Variants in ASPH observed in about 807,000 individuals in gnomAD.
ASPH encodes aspartyl/asparaginyl beta-hydroxylase.
In ASPH, 100 loss-of-function variants were observed where a neutral mutation model predicts 118.4. That is an observed-to-expected ratio of 0.84 (90% CI 0.72 to 1.00). ASPH has a LOEUF of 1.00. ASPH is among the 50% of genes least tolerant of loss of function. The pLI is 0.00. For synonymous variants in ASPH, 315 were observed against 325.6 expected, an observed-to-expected ratio of 0.97 and a Z score of 0.35; for missense variants, 920 against 919.5, an observed-to-expected ratio of 1.00 and a Z score of -0.01.
intron 15 of ASPH, 68 bp downstream of exon 15, chr8:61,583,876 T>A (rs575252098): frequency 2.3e-5 from 27 of 1,152,204 alleles, no homozygotes; most frequent in Middle Eastern, 2.0e-4. Context: ...TTTTTTTTTT[T>A]AACAAATCAA....
intron 14 of ASPH, among the ~76,000 whole-genome samples, chr8:61,600,730 T>C (rs924711765): frequency 7.9e-5 from 12 of 151,356 alleles, no homozygotes; most frequent in Non-Finnish European, 1.8e-4. Context: ...AGCAAGATAA[T>C]AGATCTAAAT....
At chr8:61,550,177 C>A (rs1272071746) in intron 20 of ASPH, among the ~76,000 whole-genome samples, 1 of 151,924 alleles carries the variant, frequency 6.6e-6, no homozygotes, top group Admixed American at 6.6e-5. Flanking sequence ...TAAAAAAAAC[C>A]TAAACTACTT....
intron 10 of ASPH, among the ~76,000 whole-genome samples, chr8:61,638,991 T>C (rs1470373239): frequency 6.6e-6 from 1 of 152,184 alleles, no homozygotes; most frequent in Non-Finnish European, 1.5e-5. Flanking sequence ...CCCAGCATGG[T>C]TGTAAGTTTA....
intron 21 of ASPH, among the ~76,000 whole-genome samples, chr8:61,538,293 T>C (rs927860936): frequency 6.6e-6 from 1 of 152,230 alleles, no homozygotes; most frequent in African/African-American, 2.4e-5. Context: ...AATTGTTGTT[T>C]TGTTGACATC....
intron 1 of ASPH, among the ~76,000 whole-genome samples, chr8:61,701,857 T>C (rs1019623110): frequency 6.6e-6 from 1 of 152,202 alleles, no homozygotes; most frequent in African/African-American, 2.4e-5. Context: ...GAATATCCCA[T>C]GTATTTTATA....
At chr8:61,668,978 C>G (rs1472797899) in intron 3 of ASPH, among the ~76,000 whole-genome samples, 1 of 152,198 alleles carries the variant, frequency 6.6e-6, no homozygotes, top group Admixed American at 6.5e-5. Context: ...TCCCAATTCT[C>G]TCTCTCAGTC....
At chr8:61,547,460 T>C (rs940094056) in intron 21 of ASPH, among the ~76,000 whole-genome samples, 16 of 152,196 alleles carry the variant, frequency 1.1e-4, no homozygotes, top group Non-Finnish European at 1.9e-4. Flanking sequence ...TTCTTAATAA[T>C]ACAAAGATAT....
chr8:61,598,719 T>C (rs1362906309), intron 14 of ASPH, among the ~76,000 whole-genome samples: 1 of 152,202 alleles, frequency 6.6e-6, no homozygotes, highest in Non-Finnish European at 1.5e-5. Flanking sequence ...ACTTGGAACA[T>C]TCTCCAGGTA....
At chr8:61,620,346 C>G (rs143782796) in intron 13 of ASPH, among the ~76,000 whole-genome samples, 8 of 152,272 alleles carry the variant, frequency 5.3e-5, no homozygotes, top group Non-Finnish European at 1.0e-4. Flanking sequence ...AATTCCAAAG[C>G]ATACTTTTTT....
At position 61,683,244 on chromosome 8, in the gene ASPH, C is replaced by T. The variant is rs1828994072; in HGVS notation, c.253+795G>A. On this transcript the variant is annotated intron_variant, in intron 2 of 24. Transcript: ENST00000379454. ...AAAAATAATCTGGAACTAGATAATG[C>T]TGATGGGTATATAAAATGATGAATA... is the stretch of plus-strand genomic sequence containing the variant. 3.3e-5 allele frequency among the ~76,000 whole-genome samples: 5 copies of T among 151,640 alleles called. No homozygotes were observed. The South Asian group carries it at 1.0e-3, about 32-fold the overall frequency.
intron 20 of ASPH, among the ~76,000 whole-genome samples, chr8:61,550,971 C>T (rs191753201): frequency 1.3e-3 from 200 of 152,018 alleles, no homozygotes; most frequent in African/African-American, 4.1e-3. Flanking sequence ...CCTGGGAAGA[C>T]GGGAATATCA....
At chr8:61,654,196 AAAAC>A (rs1334945109) in intron 3 of ASPH, among the ~76,000 whole-genome samples, 146 of 152,334 alleles carry the variant, frequency 9.6e-4, no homozygotes, top group African/African-American at 3.4e-3. Flanking sequence ...TATAACAGCT[AAAAC>A]ATATGAAAAT....
At chr8:61,624,088 C>T (rs1468273372) in intron 13 of ASPH, 1 of 459,644 alleles carries the variant, frequency 2.2e-6, no homozygotes, top group Non-Finnish European at 2.9e-6. Context: ...TAGTTATATA[C>T]AATGAATAAG....
At chr8:61,607,815 A>T (rs539862440) in intron 14 of ASPH, among the ~76,000 whole-genome samples, 1 of 152,316 alleles carries the variant, frequency 6.6e-6, no homozygotes, top group Admixed American at 6.5e-5. Flanking sequence ...TCGTCATCCT[A>T]TACAGCAATA....
chr8:61,576,894 T>A lies in ASPH; in HGVS notation c.1063-36A>T, dbSNP rs779420011. ...GACAAAATTACATAAATAAAATAAA[T>A]TAAAATGAATAATCAATCAATATTG... On this transcript the variant is annotated intron_variant, in intron 15 of 24. Coordinates refer to ENST00000379454, the MANE Select transcript of ASPH (RefSeq NM_004318.4). 2.0e-5 allele frequency: 30 copies of A among 1,502,160 alleles called. No homozygotes were observed. The South Asian group carries it at 3.5e-4, about 18-fold the overall frequency. The allele number at this position is 1,502,160 out of a possible 1,614,324, so 93.1% of individuals were successfully genotyped here.
Position 61,553,105 on chromosome 8 carries a change from C to G in ASPH, c.1552G>C (p.Gly518Arg). The G allele has an allele frequency of 6.2e-7, 1 of 1,613,224 alleles. No individual in the cohort carries two copies. The highest frequency in any genetic ancestry group is 8.5e-7 in the Non-Finnish European group (1 of 1,179,318). Residue 518 changes from glycine to arginine, a missense_variant, in exon 20 of 25, where the codon GGA (glycine) becomes CGA (arginine). By Grantham distance (125) the Gly-to-Arg change is moderately radical. Coordinates refer to ENST00000379454, the MANE Select transcript of ASPH (RefSeq NM_004318.4). ...IPYLKEGIES[G>R]DPGTDDGRFY... ...CTCCCATCATCAGTGCCAGGATCTC[C>G]GGATTCTATTCCTTCCTGTAGAAAG...
chr8:61,584,132 C>A, intron 14 of ASPH, 103 bp from the exon 15 acceptor site: 1 of 688,464 alleles, frequency 1.5e-6, no homozygotes, highest in Non-Finnish European at 2.4e-6. Flanking sequence ...TGGTCTCCAC[C>A]AAAGACCTGC....
intron 3 of ASPH, chr8:61,659,587 A>G (rs1290195849): frequency 6.6e-6 from 1 of 152,256 alleles, no homozygotes; most frequent in Non-Finnish European, 1.5e-5. Flanking sequence ...GCTCTTGCAG[A>G]AATTGATTCC....
At chr8:61,682,544 TGTCCTCTTTTA>T in intron 2 of ASPH, 1 of 1,463,198 alleles carries the variant, frequency 6.8e-7, no homozygotes, top group African/African-American at 1.4e-5. Flanking sequence ...ATACTTAAAG[TGTCCTCTTTTA>T]AGATACATTC....
Sources: allele counts gnomAD v4.1 joint callset (sites outside exome capture counted in the v4.1 genomes callset), GRCh38; gene constraint gnomAD v4.1.1; transcripts MANE v1.5; gene names NCBI Gene and HGNC (gene_info 2026-07-23, HGNC 2026-07-21).